The following CDH12 variants were observed in gnomAD, a reference collection of about 807,000 sequenced individuals.
CDH12 encodes the protein cadherin-12.
In CDH12, 41 loss-of-function variants were observed where a neutral mutation model predicts 74.1. The ratio of observed to expected loss-of-function variants is 0.55; its 90% CI spans 0.43 to 0.72. CDH12 has a LOEUF of 0.72. CDH12 is among the 30% of genes least tolerant of loss of function. The pLI, the probability that CDH12 is intolerant of heterozygous loss-of-function variation, is 0.00. For synonymous variants in CDH12, 399 were observed against 355.0 expected (o/e 1.12, Z -1.39); for missense variants, 945 against 977.2 (o/e 0.97, Z 0.44).
At chr5:22,146,172 CT>C (rs1180358012) in intron 4 of CDH12, among the ~76,000 whole-genome samples, 2 of 151,952 alleles carry the variant, frequency 1.3e-5, no homozygotes, top group East Asian at 3.9e-4. Flanking sequence ...TTTAAATACT[CT>C]TAGTAGCCAT....
At chr5:22,352,920 T>A (rs1457058242) in intron 3 of CDH12, among the ~76,000 whole-genome samples, 1 of 152,158 alleles carries the variant, frequency 6.6e-6, no homozygotes, top group Non-Finnish European at 1.5e-5. Flanking sequence ...ATTATAATAA[T>A]GCAACATAAA....
chr5:22,822,626 G>GA (rs1456386083), intron 1 of CDH12, among the ~76,000 whole-genome samples: 1 of 152,226 alleles, frequency 6.6e-6, no homozygotes. Context: ...AAAAACACAT[G>GA]AAAAAATGCT....
At chr5:22,691,825 T>A (rs1345346307) in intron 1 of CDH12, among the ~76,000 whole-genome samples, 2 of 152,076 alleles carry the variant, frequency 1.3e-5, no homozygotes, top group African/African-American at 4.8e-5. Context: ...CTGTAAATGT[T>A]CATTAAATAT....
At chr5:22,468,382 G>A (rs1745818703) in intron 2 of CDH12, among the ~76,000 whole-genome samples, 1 of 152,102 alleles carries the variant, frequency 6.6e-6, no homozygotes, top group South Asian at 2.1e-4. Flanking sequence ...ATTCAATAAT[G>A]TGGCTTCTCT....
intron 1 of CDH12, among the ~76,000 whole-genome samples, chr5:22,831,205 T>C (rs1736586128): frequency 6.6e-6 from 1 of 151,990 alleles, no homozygotes; most frequent in Admixed American, 6.6e-5. Context: ...AAAAACTTTT[T>C]TGGAGGATGA....
chr5:22,082,670 T>C (rs548085095), intron 4 of CDH12, among the ~76,000 whole-genome samples: 1 of 152,316 alleles, frequency 6.6e-6, no homozygotes, highest in East Asian at 1.9e-4. Flanking sequence ...CTACTGTGTG[T>C]TGTTTCATAA....
At chr5:22,764,122 AAG>A (rs1746375515) in intron 1 of CDH12, among the ~76,000 whole-genome samples, 1 of 151,898 alleles carries the variant, frequency 6.6e-6, no homozygotes, top group South Asian at 2.1e-4. Flanking sequence ...AGAAGACTGA[AAG>A]AGTAACACAT....
intron 4 of CDH12, among the ~76,000 whole-genome samples, chr5:22,080,196 A>G (rs1742629541): frequency 1.3e-5 from 2 of 152,082 alleles, no homozygotes; most frequent in Admixed American, 1.3e-4. Context: ...TTAAATGTCT[A>G]TAAAACATGG....
intron 1 of CDH12, among the ~76,000 whole-genome samples, chr5:22,600,603 C>T (rs1018112902): frequency 6.6e-6 from 1 of 151,884 alleles, no homozygotes; most frequent in African/African-American, 2.4e-5. Flanking sequence ...TTATGTGTAA[C>T]TATACTAGAA....
intron 1 of CDH12, among the ~76,000 whole-genome samples, chr5:22,607,363 G>A (rs1462129066): frequency 1.3e-5 from 2 of 152,104 alleles, no homozygotes; most frequent in Non-Finnish European, 2.9e-5. Flanking sequence ...CCAACACTGG[G>A]AAGAAAAAGA....
chr5:22,486,279 G>T (rs760233693), intron 2 of CDH12, among the ~76,000 whole-genome samples: 6 of 152,030 alleles, frequency 3.9e-5, no homozygotes, highest in Non-Finnish European at 8.8e-5. Flanking sequence ...TGTGGTCCTA[G>T]ATATAAAAGT....
chr5:22,074,671 A>G (rs1742182511), intron 5 of CDH12, among the ~76,000 whole-genome samples: 1 of 152,202 alleles, frequency 6.6e-6, no homozygotes, highest in South Asian at 2.1e-4. Flanking sequence ...ACACTTCTCA[A>G]AAGAAGACAT....
chr5:22,537,337 A>C (rs959358623), intron 1 of CDH12, among the ~76,000 whole-genome samples: 7 of 152,188 alleles, frequency 4.6e-5, no homozygotes, highest in African/African-American at 1.7e-4. Flanking sequence ...GCTTAACTCT[A>C]AATAAAAACA....
At chr5:21,872,739 ATTTAT>A (rs1751692022) in intron 6 of CDH12, among the ~76,000 whole-genome samples, 2 of 152,126 alleles carry the variant, frequency 1.3e-5, no homozygotes, top group African/African-American at 4.8e-5. Flanking sequence ...ACCTAACATT[ATTTAT>A]TTTGATTTGA....
In CDH12 at chr5:21,776,197, C is replaced by T. The variant is rs76553340; in HGVS notation, c.1393+7161G>A. 3.3e-5 allele frequency among the ~76,000 whole-genome samples: 5 copies of T among 152,128 alleles called. No individual in the cohort carries two copies. In the East Asian group the frequency reaches 9.7e-4, roughly 29 times the overall value. ...CTGGAAACTGAGGGCAGCTTCGGAT[C>T]AAACAGCAGTGTGGAATAGTTGCTC... On this transcript the variant is annotated intron_variant, in intron 11 of 14. Coordinates refer to ENST00000382254, the MANE Select transcript of CDH12 (RefSeq NM_004061.5).
chr5:22,637,109 T>C (rs1332941934), intron 1 of CDH12, among the ~76,000 whole-genome samples: 2 of 152,240 alleles, frequency 1.3e-5, no homozygotes, highest in Admixed American at 6.5e-5. Flanking sequence ...GCAGAAATCA[T>C]ACATTCATTA....
At chr5:22,606,211 T>G (rs1737106985) in intron 1 of CDH12, among the ~76,000 whole-genome samples, 1 of 152,152 alleles carries the variant, frequency 6.6e-6, no homozygotes, top group South Asian at 2.1e-4. Flanking sequence ...GGACAGGATC[T>G]GGCCCTCCTG....
At chr5:21,919,001 G>T (rs996439915) in intron 6 of CDH12, among the ~76,000 whole-genome samples, 3 of 152,008 alleles carry the variant, frequency 2.0e-5, no homozygotes, top group Non-Finnish European at 4.4e-5. Context: ...TCAACTTGTT[G>T]CCTACAAGTA....
intron 1 of CDH12, among the ~76,000 whole-genome samples, chr5:22,595,283 AAG>A (rs1194477675): frequency 6.6e-6 from 1 of 152,184 alleles, no homozygotes; most frequent in Non-Finnish European, 1.5e-5. Context: ...AGAAAACACT[AAG>A]AGCATATCTG....
Sources: gnomAD v4.1 joint callset for allele counts (sites outside exome capture counted in the v4.1 genomes callset) on GRCh38, gnomAD v4.1.1 for gene constraint, MANE v1.5 for transcripts, NCBI Gene and HGNC (gene_info 2026-07-23, HGNC 2026-07-21) for gene names.